Variants in HCN1 observed in about 807,000 individuals in gnomAD.
HCN1 encodes the protein hyperpolarization activated cyclic nucleotide gated potassium channel 1, also known as potassium/sodium hyperpolarization-activated cyclic nucleotide-gated channel 1.
A neutral mutation model predicts 78.9 loss-of-function variants in HCN1; 13 were observed. The ratio of observed to expected loss-of-function variants is 0.16; its 90% CI spans 0.11 to 0.26. HCN1 has a LOEUF of 0.26. Ranked by LOEUF, HCN1 falls within the 10% of genes least tolerant of loss-of-function variation. The pLI is 1.00. For missense variants in HCN1, 810 were observed against 1,154.3 expected (o/e 0.70, Z 4.32); for synonymous variants, 552 against 455.5 (o/e 1.21, Z -2.70).
Position 45,695,999 on chromosome 5 carries a change from G to T in HCN1, c.95C>A (p.Pro32Gln). 1 of 1,291,170 alleles carries T rather than the reference G, an allele frequency of 7.7e-7. No homozygotes were observed. The highest frequency in any genetic ancestry group is 9.8e-7 in the Non-Finnish European group (1 of 1,016,576). 80.0% of individuals were successfully genotyped at this position (1,291,170 alleles called of 1,614,324 possible). Residue 32 changes from proline to glutamine, a missense_variant, in exon 1 of 8, where the codon CCG becomes CAG. By Grantham distance (76) the Pro-to-Gln change is moderately conservative. Transcript: ENST00000303230. ...PAKASATGAGPAAAEKRLGTP... is the reference protein window; with the variant it reads ...PAKASATGAGQAAAEKRLGTP... ...GCCCAGGCGCTTCTCGGCCGCGGCC[G>T]GCCCCGCGCCCGTCGCGGACGCCTT...
intron 5 of HCN1, among the ~76,000 whole-genome samples, chr5:45,333,500 T>C (rs1315191494): frequency 6.6e-6 from 1 of 151,748 alleles, no homozygotes; most frequent in Non-Finnish European, 1.5e-5. Flanking sequence ...TGTGATTCCA[T>C]TTGTCCATTT....
At chr5:45,680,304 A>G (rs538003070) in intron 1 of HCN1, among the ~76,000 whole-genome samples, 119 of 152,214 alleles carry the variant, frequency 7.8e-4, no homozygotes, top group Non-Finnish European at 1.3e-3. Flanking sequence ...CAGTGTAACA[A>G]TGAACAAGTA....
chr5:45,416,405 A>G (rs535149685), intron 3 of HCN1, among the ~76,000 whole-genome samples: 5 of 152,052 alleles, frequency 3.3e-5, no homozygotes, highest in Non-Finnish European at 7.4e-5. Flanking sequence ...TATTCTTCAC[A>G]TATTTTTCTG....
intron 2 of HCN1, among the ~76,000 whole-genome samples, chr5:45,571,000 T>C (rs1220749971): frequency 1.3e-5 from 2 of 152,176 alleles, no homozygotes; most frequent in East Asian, 3.8e-4. Context: ...ATTTAATACC[T>C]GATATGATTG....
intron 4 of HCN1, among the ~76,000 whole-genome samples, chr5:45,379,166 T>C (rs1465203081): frequency 6.6e-6 from 1 of 152,120 alleles, no homozygotes; most frequent in Non-Finnish European, 1.5e-5. Context: ...CAAATGGTAT[T>C]TCTAGTTCTA....
intron 3 of HCN1, among the ~76,000 whole-genome samples, chr5:45,445,252 G>A (rs1251511493): frequency 1.3e-5 from 2 of 152,202 alleles, no homozygotes; most frequent in African/African-American, 4.8e-5. Flanking sequence ...CTGGCTCGGA[G>A]GGTCCTACGC....
At chr5:45,450,202 T>C (rs1740889436) in intron 3 of HCN1, among the ~76,000 whole-genome samples, 1 of 152,220 alleles carries the variant, frequency 6.6e-6, no homozygotes, top group African/African-American at 2.4e-5. Flanking sequence ...CTTCATATTA[T>C]TTCTGTTTAT....
At chr5:45,441,733 C>A (rs980593489) in intron 3 of HCN1, among the ~76,000 whole-genome samples, 24 of 152,052 alleles carry the variant, frequency 1.6e-4, no homozygotes, top group Admixed American at 1.5e-3. Flanking sequence ...TCTCAGGTTC[C>A]CCGAGTCTGG....
intron 4 of HCN1, among the ~76,000 whole-genome samples, chr5:45,362,961 C>T (rs1392971): frequency 0.97 from 147,333 of 151,358 alleles, 71,821 homozygotes; most frequent in East Asian, 1. Flanking sequence ...TTAAAACCTT[C>T]AATTATAGCT....
At chr5:45,564,139 C>T (rs1258036058) in intron 2 of HCN1, among the ~76,000 whole-genome samples, 2 of 152,198 alleles carry the variant, frequency 1.3e-5, no homozygotes, top group Non-Finnish European at 2.9e-5. Flanking sequence ...GTTAATCTCA[C>T]TTCATTCTGC....
chr5:45,657,864 T>G (rs1745806044), intron 1 of HCN1, among the ~76,000 whole-genome samples: 1 of 152,164 alleles, frequency 6.6e-6, no homozygotes, highest in Admixed American at 6.5e-5. Flanking sequence ...TACCAATAAC[T>G]TTCTTCACAG....
At chr5:45,384,389 A>G (rs1747874049) in intron 4 of HCN1, among the ~76,000 whole-genome samples, 1 of 152,190 alleles carries the variant, frequency 6.6e-6, no homozygotes, top group Admixed American at 6.6e-5. Context: ...CAAAGTTCAT[A>G]CTATTTTAAA....
At chr5:45,625,531 A>T (rs1350584688) in intron 2 of HCN1, among the ~76,000 whole-genome samples, 1 of 151,950 alleles carries the variant, frequency 6.6e-6, no homozygotes, top group African/African-American at 2.4e-5. Flanking sequence ...TAGGTAAGAG[A>T]TGGGAAAAAA....
chr5:45,456,476 A>G (rs1239030043), intron 3 of HCN1, among the ~76,000 whole-genome samples: 12 of 152,060 alleles, frequency 7.9e-5, no homozygotes, highest in African/African-American at 2.7e-4. Flanking sequence ...AATAGCACTT[A>G]TCAAAATTAA....
chr5:45,336,198 T>A (rs1000796925), intron 5 of HCN1, among the ~76,000 whole-genome samples: 7 of 152,022 alleles, frequency 4.6e-5, no homozygotes, highest in Non-Finnish European at 1.5e-5. Flanking sequence ...TAGGGATTAC[T>A]GAAGCCAACT....
intron 1 of HCN1, among the ~76,000 whole-genome samples, chr5:45,677,966 G>C (rs544122109): frequency 6.7e-5 from 10 of 149,254 alleles, no homozygotes; most frequent in Non-Finnish European, 1.3e-4. Flanking sequence ...TCTTTCCAAA[G>C]ATTAAACACA....
At chr5:45,384,783 C>T (rs1747880934) in intron 4 of HCN1, among the ~76,000 whole-genome samples, 2 of 152,242 alleles carry the variant, frequency 1.3e-5, no homozygotes, top group South Asian at 4.1e-4. Context: ...CTATGGATTT[C>T]TCCAAAGCAC....
At chr5:45,664,813 G>A in intron 1 of HCN1, among the ~76,000 whole-genome samples, 1 of 151,930 alleles carries the variant, frequency 6.6e-6, no homozygotes, top group Admixed American at 6.6e-5. Flanking sequence ...GTGCTGGAGA[G>A]GATGTGGAGA....
chr5:45,542,869 G>T (rs902965489), intron 2 of HCN1, among the ~76,000 whole-genome samples: 5 of 152,144 alleles, frequency 3.3e-5, no homozygotes, highest in Admixed American at 6.6e-5. Flanking sequence ...TTGGAGACTT[G>T]TTCCATATGG....
Sources: allele counts gnomAD v4.1 joint callset (sites outside exome capture counted in the v4.1 genomes callset), GRCh38; gene constraint gnomAD v4.1.1; transcripts MANE v1.5; gene names NCBI Gene and HGNC (gene_info 2026-07-23, HGNC 2026-07-21).